The following FAM156A variants were observed in gnomAD, a reference collection of about 807,000 sequenced individuals.
FAM156A encodes family with sequence similarity 156 member A, also known as protein FAM156A/FAM156B.
intron 1 of FAM156A, among the ~76,000 whole-genome samples, chrX:52,990,955 G>A (rs1556795444): frequency 9.0e-6 from 1 of 111,325 alleles, no homozygotes; most frequent in Non-Finnish European, 1.9e-5. Flanking sequence ...AATACAGAAG[G>A]CCCTCACCTG....
chrX:52,977,666 G>C (rs1556792643), intron 1 of FAM156A, among the ~76,000 whole-genome samples: 1 of 111,035 alleles, frequency 9.0e-6, no homozygotes, highest in African/African-American at 3.3e-5. Flanking sequence ...GAACTCCTGG[G>C]CCCAAGCAAT....
chrX:52,993,162 G>A, intron 1 of FAM156A, among the ~76,000 whole-genome samples: 1 of 111,131 alleles, frequency 9.0e-6, no homozygotes, highest in African/African-American at 3.3e-5. Flanking sequence ...CCTTGGATGA[G>A]CCTTTCTTTA....
At chrX:52,986,980 G>A (rs782020865) in intron 1 of FAM156A, among the ~76,000 whole-genome samples, 8 of 111,894 alleles carry the variant, frequency 7.1e-5, no homozygotes, top group African/African-American at 2.3e-4. Flanking sequence ...AATACTTCTC[G>A]AATGAACAAG....
At chrX:52,980,087 T>G (rs1929747710) in intron 1 of FAM156A, among the ~76,000 whole-genome samples, 1 of 112,171 alleles carries the variant, frequency 8.9e-6, no homozygotes, top group African/African-American at 3.2e-5. Flanking sequence ...TTAAATAAAC[T>G]GGATTTTTTT....
upstream of FAM156A, chrX:52,995,383 C>G (rs1931099749): frequency 1.8e-5 from 2 of 112,896 alleles, no homozygotes; most frequent in African/African-American, 6.4e-5. Context: ...GTGAGTAGGC[C>G]AAAGAACTCT....
intron 1 of FAM156A, among the ~76,000 whole-genome samples, chrX:52,993,371 G>T (rs180842110): frequency 1.9e-5 from 2 of 102,927 alleles, no homozygotes; most frequent in African/African-American, 7.2e-5. Context: ...ATAACATCCT[G>T]CCCACTTACC....
At chrX:52,980,409 C>T (rs906685610) in intron 1 of FAM156A, among the ~76,000 whole-genome samples, 7 of 111,751 alleles carry the variant, frequency 6.3e-5, no homozygotes, top group South Asian at 3.7e-4. Context: ...GTGAACACAC[C>T]GGCTATGCCC....
In FAM156A at chrX:52,974,423, A is replaced by C. The variant is rs146036291; in HGVS notation, c.-433-10188T>G. 6.7e-3 allele frequency among the ~76,000 whole-genome samples: 747 copies of C among 111,841 alleles called. 5 individuals carry two copies. The highest frequency in any genetic ancestry group is 0.023 in the African/African-American group (719 of 30,739). On this transcript the variant is annotated intron_variant, in intron 1 of 4. Coordinates refer to the FAM156A transcript ENST00000610625. ...TCTTTTTTTATTGTATGTCCCAGACACTCAGCACAGTACCTAGAACATAGT... is the reference window on the plus strand; with the variant it reads ...TCTTTTTTTATTGTATGTCCCAGACCCTCAGCACAGTACCTAGAACATAGT...
chrX:52,973,664 C>A lies in FAM156A; in HGVS notation c.-433-9429G>T, dbSNP rs150356996. On this transcript the variant is annotated intron_variant, in intron 1 of 4. Transcript: ENST00000610625. ...GACACGGAACAATTGTGGGAAAGTA[C>A]AAGATTTTATTTTTTGGAGACGGAG... Among the ~76,000 whole-genome samples the A allele has an allele frequency of 6.8e-3, 755 of 111,795 alleles. 6 individuals carry two copies. The highest frequency in any genetic ancestry group is 0.024 in the African/African-American group (724 of 30,764).
At chrX:52,983,754 C>A (rs1229172042) in intron 1 of FAM156A, among the ~76,000 whole-genome samples, 1 of 112,264 alleles carries the variant, frequency 8.9e-6, no homozygotes, top group Middle Eastern at 4.2e-3. Context: ...TCCGGCATGG[C>A]AAAAGACGCC....
chrX:52,987,510 C>T (rs1274899379), intron 1 of FAM156A, among the ~76,000 whole-genome samples: 1 of 109,997 alleles, frequency 9.1e-6, no homozygotes, highest in Non-Finnish European at 1.9e-5. Flanking sequence ...GAAAACTTAG[C>T]CGAGTGTGCT....
intron 1 of FAM156A, among the ~76,000 whole-genome samples, chrX:52,987,851 A>C (rs1930403530): frequency 9.0e-6 from 1 of 111,678 alleles, no homozygotes; most frequent in Non-Finnish European, 1.9e-5. Flanking sequence ...GAAATGACCC[A>C]AATGTCCTTC....
At chrX:52,991,968 C>G (rs1556795703) in intron 1 of FAM156A, among the ~76,000 whole-genome samples, 2 of 105,782 alleles carry the variant, frequency 1.9e-5, no homozygotes, top group Non-Finnish European at 3.9e-5. Context: ...GCCACTTGCC[C>G]ACCGTCTGAT....
intron 1 of FAM156A, among the ~76,000 whole-genome samples, chrX:52,989,354 G>A (rs1930528569): frequency 8.9e-6 from 1 of 112,234 alleles, no homozygotes; most frequent in Non-Finnish European, 1.9e-5. Context: ...GCCCCTGGCT[G>A]TCCCTGAGGT....
chrX:52,990,175 TC>T (rs1324103926), intron 1 of FAM156A, among the ~76,000 whole-genome samples: 17 of 110,723 alleles, frequency 1.5e-4, no homozygotes, highest in Non-Finnish European at 1.9e-4. Flanking sequence ...TTAAGACTGT[TC>T]CTCTGTCTTC....
chrX:52,974,626 T>C (rs1388688715), intron 1 of FAM156A, among the ~76,000 whole-genome samples: 3 of 111,367 alleles, frequency 2.7e-5, no homozygotes, highest in Non-Finnish European at 5.7e-5. Flanking sequence ...GATGGACTAA[T>C]GACCTATGGA....
chrX:52,987,327 C>A (rs1245336981), intron 1 of FAM156A, among the ~76,000 whole-genome samples: 15 of 111,536 alleles, frequency 1.3e-4, no homozygotes, highest in African/African-American at 4.9e-4. Flanking sequence ...CAAACTGATT[C>A]TAAAATTTAT....
chrX:52,993,537 C>T (rs1930952329), intron 1 of FAM156A, among the ~76,000 whole-genome samples: 1 of 108,008 alleles, frequency 9.3e-6, no homozygotes, highest in Non-Finnish European at 1.9e-5. Flanking sequence ...GCCTCAGCCT[C>T]CCAAGTAGCT....
At chrX:52,983,862 G>A (rs1930081214) in intron 1 of FAM156A, among the ~76,000 whole-genome samples, 1 of 112,644 alleles carries the variant, frequency 8.9e-6, no homozygotes, top group Non-Finnish European at 1.9e-5. Flanking sequence ...GCTAGCTGCT[G>A]TTTCACAGCG....
Sources: allele counts gnomAD v4.1 joint callset (sites outside exome capture counted in the v4.1 genomes callset), GRCh38; gene constraint gnomAD v4.1.1; transcripts MANE v1.5; gene names NCBI Gene and HGNC (gene_info 2026-07-23, HGNC 2026-07-21).